Variants in GLIS3 observed in about 807,000 individuals in gnomAD.
GLIS3 encodes GLIS family zinc finger 3.
GLIS3 carries 53 observed loss-of-function variants against 78.6 expected under a neutral mutation model. That is an observed-to-expected ratio of 0.67 (90% CI 0.54 to 0.85). The LOEUF is 0.85. Among genes scored for constraint, GLIS3 ranks in the 40% least tolerant of loss-of-function variants. The pLI is 0.00. For missense variants in GLIS3, 1,703 were observed against 1,231.1 expected, an observed-to-expected ratio of 1.38 and a Z score of -5.74; for synonymous variants, 684 against 509.9, an observed-to-expected ratio of 1.34 and a Z score of -4.60.
chr9:4,377,599 G>C, the GLIS3 span, among the ~76,000 whole-genome samples: 1 of 77,816 alleles, frequency 1.3e-5, no homozygotes, highest in African/African-American at 3.9e-5. Flanking sequence ...CCCTAATACA[G>C]GGTAATAATG....
the GLIS3 span, among the ~76,000 whole-genome samples, chr9:4,432,721 A>G: frequency 3.3e-5 from 5 of 149,780 alleles, no homozygotes; most frequent in African/African-American, 1.2e-4. Flanking sequence ...GCTCACTGTA[A>G]ACTCCGCCCC....
chr9:4,168,113 G>A (rs755072926), intron 2 of GLIS3, among the ~76,000 whole-genome samples: 5 of 152,086 alleles, frequency 3.3e-5, no homozygotes, highest in Non-Finnish European at 5.9e-5. Context: ...GCTTTCAACT[G>A]AAAACTCAGC....
upstream of GLIS3, among the ~76,000 whole-genome samples, chr9:4,301,781 A>T (rs1347422562): frequency 6.6e-6 from 1 of 152,234 alleles, no homozygotes; most frequent in African/African-American, 2.4e-5. Flanking sequence ...AGAGAAAAAA[A>T]TATAGTGCTA....
At chr9:4,112,369 G>A (rs1831288323) in intron 4 of GLIS3, among the ~76,000 whole-genome samples, 1 of 152,186 alleles carries the variant, frequency 6.6e-6, no homozygotes, top group African/African-American at 2.4e-5. Context: ...TTGAGAATAA[G>A]TAGAGATGTA....
chr9:4,235,666 G>C (rs1009695676), intron 2 of GLIS3, among the ~76,000 whole-genome samples: 1 of 152,228 alleles, frequency 6.6e-6, no homozygotes, highest in Admixed American at 6.5e-5. Context: ...ATAAATGCAA[G>C]TGTCAGTGTG....
At chr9:4,080,319 G>C (rs764138993) in intron 4 of GLIS3, among the ~76,000 whole-genome samples, 18 of 152,190 alleles carry the variant, frequency 1.2e-4, no homozygotes, top group Non-Finnish European at 2.4e-4. Context: ...GCTCAGATTA[G>C]GGTGAGGCAT....
chr9:4,123,887 T>C (rs2130905572), intron 3 of GLIS3: 1 of 397,672 alleles, frequency 2.5e-6, no homozygotes, highest in East Asian at 3.6e-5. Flanking sequence ...AACAATACAT[T>C]TTGCAGCTTT....
At chr9:4,454,463 A>T in the GLIS3 span, among the ~76,000 whole-genome samples, 1 of 152,214 alleles carries the variant, frequency 6.6e-6, no homozygotes, top group Non-Finnish European at 1.5e-5. Flanking sequence ...TATATGTCTT[A>T]TCTAAAGTTA....
the GLIS3 span, among the ~76,000 whole-genome samples, chr9:4,464,696 G>C: frequency 4.6e-5 from 7 of 151,938 alleles, no homozygotes; most frequent in African/African-American, 1.7e-4. Context: ...TGCCTGGCCT[G>C]ATATTTTCTT....
intron 2 of GLIS3, among the ~76,000 whole-genome samples, chr9:4,187,058 G>A (rs1586915864): frequency 6.6e-6 from 1 of 152,294 alleles, no homozygotes; most frequent in Non-Finnish European, 1.5e-5. Flanking sequence ...TTTTAGACAT[G>A]AAGTCCTTGC....
intron 2 of GLIS3, among the ~76,000 whole-genome samples, chr9:4,253,252 G>A (rs949535463): frequency 4.6e-5 from 7 of 152,214 alleles, no homozygotes; most frequent in Non-Finnish European, 1.0e-4. Context: ...CAGGGAGATG[G>A]GAGTTTTATC....
chr9:3,870,691 C>G (rs555346884), intron 8 of GLIS3, among the ~76,000 whole-genome samples: 14 of 152,270 alleles, frequency 9.2e-5, no homozygotes, highest in Admixed American at 2.6e-4. Context: ...GGAAACAAAC[C>G]CCAGTGATTC....
At chr9:4,112,034 A>G (rs1432998675) in intron 4 of GLIS3, among the ~76,000 whole-genome samples, 1 of 152,196 alleles carries the variant, frequency 6.6e-6, no homozygotes, top group Non-Finnish European at 1.5e-5. Flanking sequence ...GAAAGTCTGC[A>G]TTGTGTTTGG....
rs555971029 is a variant in GLIS3 at position 3,826,469 on chromosome 9, T to A, written c.*1803A>T. ...CATCTTTTGTAAAGCAGAGCAGGTT[T>A]TTTAAAGTGGCTAACTCATCTCTTT... On this transcript the variant is annotated 3_prime_UTR_variant, in exon 11 of 11. Transcript: ENST00000381971. 7.0e-3 allele frequency: 62 copies of A among 8,914 alleles called. No individual in the cohort carries two copies. Among genetic ancestry groups the A allele is most frequent in the Admixed American group, 8.2e-3 (2 of 244 alleles). 0.6% of individuals were successfully genotyped at this position (8,914 alleles called of 1,614,324 possible).
intron 2 of GLIS3, among the ~76,000 whole-genome samples, chr9:4,220,679 G>A (rs908983337): frequency 6.6e-6 from 1 of 151,982 alleles, no homozygotes; most frequent in Non-Finnish European, 1.5e-5. Flanking sequence ...GGTTGAGCCA[G>A]GAGCCAGGGG....
intron 4 of GLIS3, among the ~76,000 whole-genome samples, chr9:4,083,189 G>GGT (rs1828708157): frequency 6.6e-6 from 1 of 152,120 alleles, no homozygotes; most frequent in South Asian, 2.1e-4. Context: ...TGGTTCAAGT[G>GGT]GTGTGTGTGT....
chr9:3,902,778 G>C (rs1424090963), intron 6 of GLIS3, among the ~76,000 whole-genome samples: 1 of 152,216 alleles, frequency 6.6e-6, no homozygotes, highest in Non-Finnish European at 1.5e-5. Context: ...TCTGTTTATG[G>C]AAAGAGGAAA....
intron 4 of GLIS3, among the ~76,000 whole-genome samples, chr9:4,083,581 G>C (rs1007299274): frequency 1.3e-5 from 2 of 152,162 alleles, no homozygotes; most frequent in Admixed American, 6.5e-5. Context: ...CCAATCTATA[G>C]GTAGGAACTT....
chr9:3,976,072 C>T (rs966696751), intron 4 of GLIS3, among the ~76,000 whole-genome samples: 3 of 152,138 alleles, frequency 2.0e-5, no homozygotes, highest in Non-Finnish European at 4.4e-5. Flanking sequence ...TCAGGGAAAT[C>T]AGGCACATTT....
Sources: allele counts gnomAD v4.1 joint callset (sites outside exome capture counted in the v4.1 genomes callset), GRCh38; gene constraint gnomAD v4.1.1; transcripts MANE v1.5; gene names NCBI Gene and HGNC (gene_info 2026-07-23, HGNC 2026-07-21).